Variants in CKMT1B observed in about 807,000 individuals in gnomAD.
CKMT1B encodes creatine kinase, mitochondrial 1B.
In CKMT1B, 13 loss-of-function variants were observed where a neutral mutation model predicts 21.8. That is an observed-to-expected ratio of 0.60 (90% CI 0.39 to 0.95). The LOEUF (loss-of-function observed/expected upper bound fraction) is 0.95. Ranked by LOEUF, CKMT1B falls within the 40% of genes least tolerant of loss-of-function variation. The probability of loss-of-function intolerance (pLI) is 0.00; values close to 1 mark genes in which losing one functional copy is unlikely to be tolerated. For missense variants in CKMT1B, 157 were observed against 227.5 expected (o/e 0.69, Z 1.99); for synonymous variants, 50 against 80.3 (o/e 0.62, Z 2.02).
Position 43,596,472 on chromosome 15 carries a change from A to G in CKMT1B, c.817A>G (p.Met273Val). The G allele has an allele frequency of 1.2e-6, 2 of 1,601,496 alleles. No homozygotes were observed. Among genetic ancestry groups the G allele is most frequent in the Middle Eastern group, 1.7e-4 (1 of 6,040 alleles). Reference protein sequence around the residue: ...NEEDHTRVISMEKGGNMKRVF... With the variant: ...NEEDHTRVISVEKGGNMKRVF... ...GGAGGATCATACACGGGTGATCTCC[A>G]TGGAGAAGGGTGGTAACATGAAGAG... The change falls in exon 6 of 9, where the codon ATG becomes GTG. Residue 273 changes from methionine (M) to valine (V), a missense_variant. By Grantham distance (21) the Met-to-Val change is conservative (BLOSUM62 1). Transcript: ENST00000441322.
Position 43,598,268 on chromosome 15 carries a change from T to C in CKMT1B, c.952T>C (p.Ser318Pro). ...ERLGYILTCP[S>P]NLGTGLRAGV... ...TTTGGGATACATCTTGACCTGTCCA[T>C]CTAACCTGGGCACTGGACTTCGGGC... The change falls in exon 7 of 9, where the codon TCT (serine) becomes CCT (proline). Residue 318 changes from serine (S) to proline (P), a missense_variant. Physicochemically the swap from Ser to Pro is moderately conservative, Grantham distance 74. Coordinates refer to ENST00000441322, the MANE Select transcript of CKMT1B (RefSeq NM_001375484.1). The C allele has an allele frequency of 6.2e-7, 1 of 1,607,656 alleles. No individual in the cohort carries two copies. Among genetic ancestry groups the C allele is most frequent in the South Asian group, 1.1e-5 (1 of 90,914 alleles).
In CKMT1B at chr15:43,598,325, A is replaced by C; in HGVS notation, c.1009A>C (p.Lys337Gln). Residue 337 changes from lysine to glutamine, a missense_variant and splice_region_variant, in exon 7 of 9, where the codon AAA becomes CAA. Lys to Gln is a moderately conservative substitution (Grantham distance 53, BLOSUM62 1). Coordinates refer to ENST00000441322, the MANE Select transcript of CKMT1B (RefSeq NM_001375484.1). ...GVHIKLPLLS[K>Q]DSRFPKILEN... ...GCACATCAAACTGCCCCTGCTAAGC[A>C]AAGTAAAGGAGTTGTGGGGTTACAG... 1 of 1,603,878 alleles carries C rather than the reference A, an allele frequency of 6.2e-7. No homozygotes were observed. Among genetic ancestry groups the C allele is most frequent in the East Asian group, 2.3e-5 (1 of 43,442 alleles).
At chr15:43,599,122 C>G in intron 8 of CKMT1B, 35 bp from the exon 9 acceptor site, 1 of 1,612,070 alleles carries the variant, frequency 6.2e-7, no homozygotes, top group Non-Finnish European at 8.5e-7. Flanking sequence ...AAAACTCAGA[C>G]TGTAGGAAGC....
At position 43,596,635 on chromosome 15, in the gene CKMT1B, T is replaced by G. The variant is rs1424341375; in HGVS notation, c.876+104T>G. 1.8e-5 allele frequency: 28 copies of G among 1,565,346 alleles called. 1 individual carries two copies. Among genetic ancestry groups the G allele is most frequent in the Non-Finnish European group, 2.0e-5 (23 of 1,152,304 alleles). On this transcript the variant is annotated intron_variant, in intron 6 of 8. Transcript: ENST00000441322. ...TTACCAACCAACCCAGGACATGTCT[T>G]ATAGTAAAAAGGACTATCTAGGACT...
Position 43,597,120 on chromosome 15 carries a change from G to A in CKMT1B, c.876+589G>A, listed in dbSNP as rs562994291. Reference sequence around the variant, plus strand: ...GAATCATCAATCCTACATGGATTGGGTCTCCGTATTCAAGTCTACATTAGA... The same window carrying A: ...GAATCATCAATCCTACATGGATTGGATCTCCGTATTCAAGTCTACATTAGA... On this transcript the variant is annotated intron_variant, in intron 6 of 8. Coordinates refer to ENST00000441322, the MANE Select transcript of CKMT1B (RefSeq NM_001375484.1). Among the ~76,000 whole-genome samples, 3 of 143,608 alleles carry A rather than the reference G, an allele frequency of 2.1e-5. No individual in the cohort carries two copies. In the East Asian group the frequency reaches 6.5e-4, roughly 31 times the overall value. 94.2% of individuals were successfully genotyped at this position (143,608 alleles called of 152,430 possible). A position where few individuals can be genotyped will look rare whatever the true frequency, so the allele number is the denominator to read the frequency against.
rs767576863 is a variant in CKMT1B at position 43,598,241 on chromosome 15, C to T, written c.925C>T (p.Arg309Cys). ...ERGWEFMWNE[R>C]LGYILTCPSN... ...TGGCTGGGAGTTCATGTGGAATGAG[C>T]GTTTGGGATACATCTTGACCTGTCC... Residue 309 changes from arginine (R) to cysteine (C), a missense_variant, in exon 7 of 9, where the codon CGT becomes TGT. Arg to Cys is a radical substitution (Grantham distance 180). Transcript: ENST00000441322. 9.3e-6 allele frequency: 15 copies of T among 1,607,644 alleles called. No homozygotes were observed. Among genetic ancestry groups the T allele is most frequent in the Middle Eastern group, 1.6e-4 (1 of 6,070 alleles).
chr15:43,598,015 T>C (rs940040618), intron 6 of CKMT1B, 178 bp from the exon 7 acceptor site: 17 of 1,391,184 alleles, frequency 1.2e-5, no homozygotes, highest in Non-Finnish European at 1.4e-5. Flanking sequence ...TTTTGCATCA[T>C]GCATGCATGA....
At chr15:43,597,571 C>A in intron 6 of CKMT1B, 1 of 1,032,740 alleles carries the variant, frequency 9.7e-7, no homozygotes, top group Non-Finnish European at 1.2e-6. Context: ...GGGTTGTGGT[C>A]TTTGTGACCA....
chr15:43,598,039 C>G, intron 6 of CKMT1B, 154 bp from the exon 7 acceptor site: 2 of 1,451,354 alleles, frequency 1.4e-6, no homozygotes, highest in Non-Finnish European at 1.8e-6. Context: ...CAATAACAAA[C>G]CTTTTTCATT....
chr15:43,596,590 G>T, intron 6 of CKMT1B, 59 bp downstream of exon 6: 1 of 1,605,394 alleles, frequency 6.2e-7, no homozygotes, highest in Non-Finnish European at 8.5e-7. Context: ...CCAAAGAGTA[G>T]CATAAATAGA....
rs1308515596 is a variant in CKMT1B, at chr15:43,599,146, G to A, written c.1138-11G>A. The stretch of plus-strand genomic sequence containing the variant: ...ACTGTAGGAAGCAGATCAAAGATTA[G>A]TGTCCCTTAGGTGGAGCTGGTGCAA... On this transcript the variant is annotated splice_polypyrimidine_tract_variant and intron_variant, in intron 8 of 8. Coordinates refer to ENST00000441322, the MANE Select transcript of CKMT1B (RefSeq NM_001375484.1). The A allele has an allele frequency of 6.2e-7, 1 of 1,613,590 alleles. No individual in the cohort carries two copies. Among genetic ancestry groups the A allele is most frequent in the African/African-American group, 1.3e-5 (1 of 74,774 alleles).
At chr15:43,597,577 G>C in intron 6 of CKMT1B, 6 of 1,022,852 alleles carry the variant, frequency 5.9e-6, no homozygotes, top group Non-Finnish European at 7.5e-6. Context: ...TGGTCTTTGT[G>C]ACCATCATTC....
chr15:43,598,126 C>T, intron 6 of CKMT1B, 67 bp from the exon 7 acceptor site: 1 of 1,599,028 alleles, frequency 6.3e-7, no homozygotes, highest in Middle Eastern at 1.7e-4. Context: ...GTGGGTCTAG[C>T]TAAGGGAGGG....
rs1430146087 is a variant in CKMT1B, at chr15:43,598,942, G to T, written c.1127G>T (p.Gly376Val). The change falls in exon 8 of 9, where the codon GGC becomes GTC. Residue 376 changes from glycine to valine, a missense_variant. Physicochemically the swap from Gly to Val is moderately radical, Grantham distance 109. Coordinates refer to ENST00000441322, the MANE Select transcript of CKMT1B (RefSeq NM_001375484.1). ...VFDISNLDRL[G>V]KSEVELVQLV... The stretch of plus-strand genomic sequence containing the variant: ...GATATTTCTAATTTGGACCGACTAG[G>T]CAAATCAGAGGTGAGATCCTAAGGG... 1.9e-5 allele frequency: 30 copies of T among 1,610,988 alleles called. No homozygotes were observed. Among genetic ancestry groups the T allele is most frequent in the Non-Finnish European group, 2.5e-5 (30 of 1,179,588 alleles).
intron 6 of CKMT1B, chr15:43,597,894 G>C: frequency 7.7e-7 from 1 of 1,300,652 alleles, no homozygotes; most frequent in Non-Finnish European, 9.8e-7. Flanking sequence ...TCTCAGTTCA[G>C]TTTACCACCT....
intron 6 of CKMT1B, 85 bp downstream of exon 6, chr15:43,596,616 A>G (rs1343115786): frequency 6.3e-7 from 1 of 1,595,012 alleles, no homozygotes; most frequent in Non-Finnish European, 8.5e-7. Context: ...TAATTTACCA[A>G]CCAACCCAGG....
At chr15:43,599,120 G>C (rs764611675) in intron 8 of CKMT1B, 37 bp from the exon 9 acceptor site, 4 of 1,611,872 alleles carry the variant, frequency 2.5e-6, no homozygotes, top group Non-Finnish European at 3.4e-6. Context: ...GAAAAACTCA[G>C]ACTGTAGGAA....
At position 43,596,591 on chromosome 15, in the gene CKMT1B, C is replaced by T. The variant is rs1221352958; in HGVS notation, c.876+60C>T. On this transcript the variant is annotated intron_variant, in intron 6 of 8. Coordinates refer to ENST00000441322, the MANE Select transcript of CKMT1B (RefSeq NM_001375484.1). ...GGACATAAGGAAAACCAAAGAGTAG[C>T]ATAAATAGATTATGTAATTTACCAA... 4 of 1,604,862 alleles carry T rather than the reference C, an allele frequency of 2.5e-6. No homozygotes were observed. In the East Asian group the frequency reaches 6.9e-5, roughly 28 times the overall value.
chr15:43,598,466 G>A, intron 7 of CKMT1B, 139 bp downstream of exon 7: 1 of 1,289,540 alleles, frequency 7.8e-7, no homozygotes, highest in Non-Finnish European at 1.1e-6. Context: ...AGTGGCTCAT[G>A]CCTCTAATCC....
Sources: gnomAD v4.1 joint callset for allele counts (sites outside exome capture counted in the v4.1 genomes callset) on GRCh38, gnomAD v4.1.1 for gene constraint, MANE v1.5 for transcripts, NCBI Gene and HGNC (gene_info 2026-07-23, HGNC 2026-07-21) for gene names.